Variants in KCNG2 observed in about 807,000 individuals in gnomAD.
KCNG2 encodes potassium voltage-gated channel modifier subfamily G member 2.
A neutral mutation model predicts 12.3 loss-of-function variants in KCNG2; 7 were observed. The ratio of observed to expected loss-of-function variants is 0.57; its 90% CI spans 0.32 to 1.07. The LOEUF (loss-of-function observed/expected upper bound fraction) is 1.07. Among genes scored for constraint, KCNG2 ranks in the 50% least tolerant of loss-of-function variants. KCNG2 has a pLI of 0.04. For missense variants in KCNG2, 703 were observed against 726.0 expected (o/e 0.97, Z 0.36); for synonymous variants, 414 against 351.4 (o/e 1.18, Z -1.99).
intron 3 of KCNG2, among the ~76,000 whole-genome samples, chr18:79,879,651 GTCCCGC>G (rs1327118644): frequency 6.6e-6 from 1 of 152,206 alleles, no homozygotes; most frequent in East Asian, 1.9e-4. Context: ...TAATCCAGAA[GTCCCGC>G]TCTGGCCTAC....
At chr18:79,858,029 C>A (rs539597871) in intron 2 of KCNG2, among the ~76,000 whole-genome samples, 1 of 152,276 alleles carries the variant, frequency 6.6e-6, no homozygotes, top group South Asian at 2.1e-4. Flanking sequence ...TTGAGACAGT[C>A]TCGCTCTGTC....
chr18:79,872,957 C>T (rs1979908738), intron 3 of KCNG2, among the ~76,000 whole-genome samples: 5 of 152,174 alleles, frequency 3.3e-5, no homozygotes, highest in African/African-American at 4.8e-5. Context: ...ACCGCCCCTC[C>T]GGGAGCCGGC....
chr18:79,869,306 G>A (rs1165293484), intron 3 of KCNG2, among the ~76,000 whole-genome samples: 1 of 152,204 alleles, frequency 6.6e-6, no homozygotes, highest in African/African-American at 2.4e-5. Flanking sequence ...GGAAACGCCT[G>A]GTCTGCTGCA....
At chr18:79,856,691 G>A (rs949026319) in intron 2 of KCNG2, among the ~76,000 whole-genome samples, 1 of 152,064 alleles carries the variant, frequency 6.6e-6, no homozygotes, top group East Asian at 1.9e-4. Context: ...GAGCTCACGG[G>A]GCCGTCTGCC....
At chr18:79,865,280 TGA>T (rs1410275382) in intron 3 of KCNG2, among the ~76,000 whole-genome samples, 3 of 126,576 alleles carry the variant, frequency 2.4e-5, no homozygotes, top group Middle Eastern at 5.6e-3. Flanking sequence ...GTCTGTGTGC[TGA>T]GAGGTCTGTG....
chr18:79,882,064 G>A (rs567235983), intron 3 of KCNG2, among the ~76,000 whole-genome samples: 15 of 151,690 alleles, frequency 9.9e-5, no homozygotes, highest in African/African-American at 3.4e-4. Context: ...AAGGTGGACC[G>A]TGGCCCTAAA....
intron 1 of KCNG2, among the ~76,000 whole-genome samples, chr18:79,845,870 A>G (rs901363177): frequency 6.6e-6 from 1 of 151,626 alleles, no homozygotes; most frequent in Non-Finnish European, 1.5e-5. Flanking sequence ...GCGGATCATG[A>G]GGTCAGGAGA....
intron 3 of KCNG2, among the ~76,000 whole-genome samples, chr18:79,867,485 G>A (rs1299819365): frequency 8.7e-5 from 5 of 57,312 alleles, no homozygotes; most frequent in East Asian, 5.7e-4. Flanking sequence ...GCGTTGTGTC[G>A]TGTCTGGGGG....
At chr18:79,889,874 A>G (rs1025838696) in intron 3 of KCNG2, among the ~76,000 whole-genome samples, 13 of 152,240 alleles carry the variant, frequency 8.5e-5, no homozygotes, top group African/African-American at 3.1e-4. Context: ...TGGGGTTTCT[A>G]TAGATGCCCT....
At chr18:79,835,936 T>C (rs1978321710) in intron 1 of KCNG2, among the ~76,000 whole-genome samples, 1 of 152,078 alleles carries the variant, frequency 6.6e-6, no homozygotes. Flanking sequence ...AGTGAAGTAA[T>C]CCACAGGGAA....
At chr18:79,810,250 C>G (rs980722832) in intron 1 of KCNG2, among the ~76,000 whole-genome samples, 3 of 151,856 alleles carry the variant, frequency 2.0e-5, no homozygotes, top group Admixed American at 6.6e-5. Flanking sequence ...GAAAAGGAAG[C>G]CTTGGAAAAG....
intron 2 of KCNG2, among the ~76,000 whole-genome samples, chr18:79,861,279 T>C (rs866149010): frequency 0.088 from 12,226 of 139,010 alleles, 432 homozygotes; most frequent in Middle Eastern, 0.14. Flanking sequence ...CTCTCTTTTT[T>C]TTTTTTTTTT....
rs893609574 is a variant in KCNG2, at chr18:79,809,676, C to G, written c.-115+11662C>G. On this transcript the variant is annotated intron_variant, in intron 1 of 3. Coordinates refer to ENST00000316249, the MANE Select transcript of KCNG2 (RefSeq NM_012283.2). Reference sequence around the variant, plus strand: ...ACCACACCACGTTCCGGGTGCCCAGCGCACCTGCCGCTTATGCAGCTTTCG... The same window carrying G: ...ACCACACCACGTTCCGGGTGCCCAGGGCACCTGCCGCTTATGCAGCTTTCG... Among the ~76,000 whole-genome samples, 9 of 152,040 alleles carry G rather than the reference C, an allele frequency of 5.9e-5. No individual in the cohort carries two copies. In the East Asian group the frequency reaches 1.3e-3, roughly 23 times the overall value.
At chr18:79,817,121 T>C (rs180917301) in intron 1 of KCNG2, among the ~76,000 whole-genome samples, 2 of 132,934 alleles carry the variant, frequency 1.5e-5, no homozygotes, top group Admixed American at 8.1e-5. Flanking sequence ...GGCTGCCACA[T>C]GGCTGTCACG....
Position 79,872,308 on chromosome 18 carries a change from T to C in KCNG2, c.624+8017T>C, listed in dbSNP as rs1437471902. On this transcript the variant is annotated intron_variant, in intron 3 of 3. Transcript: ENST00000316249. ...TTTTTTTTTTTTTTTTTTTTTGAGA[T>C]GGAGTCTCACTCTGTCACCAAGGCT... 2.2e-3 allele frequency among the ~76,000 whole-genome samples: 313 copies of C among 139,214 alleles called. 1 individual carries two copies. Among genetic ancestry groups the C allele is most frequent in the African/African-American group, 7.3e-3 (272 of 37,042 alleles). 91.3% of individuals were successfully genotyped at this position (139,214 alleles called of 152,430 possible).
intron 1 of KCNG2, among the ~76,000 whole-genome samples, chr18:79,848,293 T>C (rs1356312022): frequency 6.6e-6 from 1 of 152,236 alleles, no homozygotes; most frequent in Non-Finnish European, 1.5e-5. Context: ...TGCTTAGAGC[T>C]GCGCAGCCTA....
intron 1 of KCNG2, among the ~76,000 whole-genome samples, chr18:79,805,200 A>G (rs1267080245): frequency 6.6e-6 from 1 of 152,224 alleles, no homozygotes; most frequent in Non-Finnish European, 1.5e-5. Flanking sequence ...CTTACACATT[A>G]TGCCAGGTCG....
rs750835025 is a variant in KCNG2, at chr18:79,863,871, GTTC to G, written c.211_213del (p.Phe71del). On this transcript the variant is annotated inframe_deletion, in exon 3 of 4. Transcript: ENST00000316249. ...ACGACTACGACGTGAGCCGCGACGAGTTCTTCTTCGACCGCAGCCCGTGCGCCT... is the reference window on the plus strand; with the variant it reads ...ACGACTACGACGTGAGCCGCGACGAGTTCTTCGACCGCAGCCCGTGCGCCT... The G allele has an allele frequency of 1.4e-4, 200 of 1,472,878 alleles. 1 individual carries two copies. The highest frequency in any genetic ancestry group is 1.8e-4 in the Non-Finnish European group (197 of 1,109,872). 91.2% of individuals were successfully genotyped at this position (1,472,878 alleles called of 1,614,324 possible).
At chr18:79,802,575 T>G (rs1039275084) in intron 1 of KCNG2, among the ~76,000 whole-genome samples, 6 of 152,226 alleles carry the variant, frequency 3.9e-5, no homozygotes, top group African/African-American at 7.2e-5. Flanking sequence ...TCCCCTGCCT[T>G]CCTTCTCCAG....
Sources: allele counts gnomAD v4.1 joint callset (sites outside exome capture counted in the v4.1 genomes callset), GRCh38; gene constraint gnomAD v4.1.1; transcripts MANE v1.5; gene names NCBI Gene and HGNC (gene_info 2026-07-23, HGNC 2026-07-21).